Variants in SLC25A21 observed in about 807,000 individuals in gnomAD.
SLC25A21 encodes the protein mitochondrial 2-oxodicarboxylate carrier.
In SLC25A21, 47 loss-of-function variants were observed where a neutral mutation model predicts 43.8. The observed-to-expected ratio is 1.07, with a 90% CI of 0.85 to 1.37. The LOEUF (loss-of-function observed/expected upper bound fraction) is 1.37. Ranked by LOEUF, SLC25A21 falls within the 40% of genes most tolerant of loss-of-function variation. The probability of loss-of-function intolerance (pLI) is 0.00; values close to 1 mark genes in which losing one functional copy is unlikely to be tolerated. For synonymous variants in SLC25A21, 131 were observed against 121.3 expected (o/e 1.08, Z -0.52); for missense variants, 352 against 350.2 (o/e 1.00, Z -0.04).
At chr14:36,789,607 A>C (rs192071783) in intron 3 of SLC25A21, among the ~76,000 whole-genome samples, 38 of 148,732 alleles carry the variant, frequency 2.6e-4, no homozygotes, top group Middle Eastern at 3.5e-3. Flanking sequence ...ATGTTTAAGA[A>C]AAATATAAAA....
intron 1 of SLC25A21, among the ~76,000 whole-genome samples, chr14:36,897,780 G>A (rs1008711464): frequency 2.0e-5 from 3 of 152,202 alleles, no homozygotes; most frequent in Non-Finnish European, 4.4e-5. Context: ...CAGGTCTGTT[G>A]GAGTTTGCTG....
intron 5 of SLC25A21, among the ~76,000 whole-genome samples, chr14:36,727,857 C>A (rs963652497): frequency 1.3e-5 from 2 of 152,090 alleles, no homozygotes; most frequent in Non-Finnish European, 2.9e-5. Flanking sequence ...TCTCAGACTT[C>A]CATGATAGAA....
At chr14:37,115,782 G>C (rs1220060629) in intron 1 of SLC25A21, among the ~76,000 whole-genome samples, 2 of 152,134 alleles carry the variant, frequency 1.3e-5, no homozygotes, top group Non-Finnish European at 2.9e-5. Context: ...TCAATGAATT[G>C]CTTCATTTCA....
chr14:36,767,224 G>T (rs542481080), intron 3 of SLC25A21, among the ~76,000 whole-genome samples: 1 of 152,250 alleles, frequency 6.6e-6, no homozygotes, highest in East Asian at 1.9e-4. Flanking sequence ...TAGTAAACTG[G>T]CTTTCATATA....
At chr14:37,008,299 T>C (rs1163609272) in intron 1 of SLC25A21, among the ~76,000 whole-genome samples, 1 of 152,226 alleles carries the variant, frequency 6.6e-6, no homozygotes, top group African/African-American at 2.4e-5. Context: ...CAACAAGCGT[T>C]CATTCTGATG....
chr14:36,860,657 G>A (rs143490908), intron 2 of SLC25A21, among the ~76,000 whole-genome samples: 21 of 152,292 alleles, frequency 1.4e-4, no homozygotes, highest in African/African-American at 4.8e-4. Context: ...CTTTAGGAGA[G>A]CATCTTAGGA....
intron 2 of SLC25A21, among the ~76,000 whole-genome samples, chr14:36,823,972 G>C (rs1404868485): frequency 1.2e-4 from 19 of 152,166 alleles, no homozygotes; most frequent in Admixed American, 1.2e-3. Flanking sequence ...TTTGAATGTA[G>C]TTAAATCTGC....
At chr14:36,966,877 T>C (rs144360465) in intron 1 of SLC25A21, among the ~76,000 whole-genome samples, 86 of 152,244 alleles carry the variant, frequency 5.6e-4, no homozygotes, top group African/African-American at 2.0e-3. Flanking sequence ...CCCGAAGGGA[T>C]TCTACAGGGA....
intron 1 of SLC25A21, among the ~76,000 whole-genome samples, chr14:36,892,476 C>T (rs1284620968): frequency 6.6e-6 from 1 of 151,904 alleles, no homozygotes; most frequent in South Asian, 2.1e-4. Context: ...TGATTTGCAA[C>T]ATGGATGGTC....
At chr14:36,732,095 C>T (rs913324555) in intron 4 of SLC25A21, among the ~76,000 whole-genome samples, 1 of 152,112 alleles carries the variant, frequency 6.6e-6, no homozygotes, top group Non-Finnish European at 1.5e-5. Flanking sequence ...GAAGTCTTGG[C>T]CCTCCAGATA....
intron 1 of SLC25A21, among the ~76,000 whole-genome samples, chr14:37,007,988 C>G (rs1285130281): frequency 6.6e-6 from 1 of 151,964 alleles, no homozygotes; most frequent in Non-Finnish European, 1.5e-5. Flanking sequence ...GATTCTCCTG[C>G]CTGAGCCTCC....
chr14:36,992,339 C>A (rs972948349), intron 1 of SLC25A21, among the ~76,000 whole-genome samples: 13 of 152,144 alleles, frequency 8.5e-5, no homozygotes, highest in Non-Finnish European at 1.8e-4. Context: ...GTCCAGGTCA[C>A]AGCTGCAGTG....
chr14:37,163,678 A>G (rs1179086467), intron 1 of SLC25A21, among the ~76,000 whole-genome samples: 1 of 152,184 alleles, frequency 6.6e-6, no homozygotes, highest in African/African-American at 2.4e-5. Flanking sequence ...CCACCAGGGA[A>G]GGGTGAGTTG....
chr14:37,001,835 C>T (rs759431868), intron 1 of SLC25A21, among the ~76,000 whole-genome samples: 10 of 152,090 alleles, frequency 6.6e-5, no homozygotes, highest in Non-Finnish European at 1.5e-4. Context: ...TTCCACTTTG[C>T]ACTAACCTCC....
At chr14:36,709,912 G>T (rs1035503660) in intron 7 of SLC25A21, among the ~76,000 whole-genome samples, 3 of 152,040 alleles carry the variant, frequency 2.0e-5, no homozygotes, top group Non-Finnish European at 4.4e-5. Context: ...TACCCCAACT[G>T]GTACATCCAG....
chr14:36,890,706 A>G (rs1283062170), intron 1 of SLC25A21, among the ~76,000 whole-genome samples: 2 of 152,244 alleles, frequency 1.3e-5, no homozygotes, highest in Non-Finnish European at 2.9e-5. Context: ...AGTAATATCA[A>G]GTACCTGAAG....
At chr14:36,973,537 G>A (rs1959802175) in intron 1 of SLC25A21, among the ~76,000 whole-genome samples, 1 of 152,212 alleles carries the variant, frequency 6.6e-6, no homozygotes, top group Non-Finnish European at 1.5e-5. Context: ...GACACCGATG[G>A]AAAGGTGTTC....
chr14:36,845,906 G>A (rs954138628), intron 2 of SLC25A21, among the ~76,000 whole-genome samples: 2 of 152,208 alleles, frequency 1.3e-5, no homozygotes, highest in African/African-American at 4.8e-5. Context: ...TTTACGGTTG[G>A]AGTGTAACAG....
intron 3 of SLC25A21, among the ~76,000 whole-genome samples, chr14:36,803,005 G>A (rs1040890613): frequency 3.3e-5 from 5 of 152,132 alleles, no homozygotes; most frequent in Admixed American, 6.6e-5. Context: ...GGTGCCTCTG[G>A]AATGCCAAAC....
Sources: gnomAD v4.1 joint callset for allele counts (sites outside exome capture counted in the v4.1 genomes callset) on GRCh38, gnomAD v4.1.1 for gene constraint, MANE v1.5 for transcripts, NCBI Gene and HGNC (gene_info 2026-07-23, HGNC 2026-07-21) for gene names.